The following LAMA2 variants were observed in gnomAD, a reference collection of about 807,000 sequenced individuals.
The protein encoded by LAMA2 is laminin subunit alpha-2.
Under a neutral mutation model 364.8 loss-of-function variants are expected in LAMA2, and 269 were observed. The ratio of observed to expected loss-of-function variants is 0.74; its 90% CI spans 0.67 to 0.82. The LOEUF (loss-of-function observed/expected upper bound fraction) is 0.82. LAMA2 is among the 40% of genes least tolerant of loss of function. The probability of loss-of-function intolerance (pLI) is 0.00; values close to 1 mark genes in which losing one functional copy is unlikely to be tolerated. For missense variants in LAMA2, 3,807 were observed against 3,873.2 expected (o/e 0.98, Z 0.45); for synonymous variants, 1,379 against 1,370.6 (o/e 1.01, Z -0.14).
At chr6:128,924,902 T>A (rs1778990557) in intron 1 of LAMA2, among the ~76,000 whole-genome samples, 1 of 152,240 alleles carries the variant, frequency 6.6e-6, no homozygotes, top group South Asian at 2.1e-4. Flanking sequence ...CACCATATTG[T>A]TGAGATATTT....
chr6:129,250,349 G>A, intron 13 of LAMA2, 136 bp downstream of exon 13: 1 of 675,052 alleles, frequency 1.5e-6, no homozygotes, highest in Non-Finnish European at 2.7e-6. Flanking sequence ...GGAGATTTTT[G>A]TGCCACTCTT....
intron 12 of LAMA2, among the ~76,000 whole-genome samples, chr6:129,200,165 TAC>T (rs1381776198): frequency 1.4e-5 from 2 of 144,154 alleles, no homozygotes; most frequent in South Asian, 2.2e-4. Context: ...TATATATATA[TAC>T]GTGTACACAT....
chr6:129,250,156 C>A lies in LAMA2; in HGVS notation c.1827C>A (p.Asp609Glu). ...GGQLTFTISY[D>E]LEEEEEDTER... ...AGTTGACATTTACCATATCATATGA[C>A]CTTGAAGAAGAGGAAGAAGATACAG... The change falls in exon 13 of 65, where the codon GAC becomes GAA. Residue 609 changes from aspartate (D) to glutamate (E), a missense_variant. This residue lies in a region of LAMA2 where 3,333 missense variants were observed against 3,345.7 expected (regional missense o/e 1.00). Transcript: ENST00000421865. The A allele has an allele frequency of 1.9e-6, 3 of 1,610,226 alleles. No homozygotes were observed. Among genetic ancestry groups the A allele is most frequent in the Non-Finnish European group, 1.7e-6 (2 of 1,176,786 alleles).
At chr6:129,185,530 G>T (rs538169177) in intron 10 of LAMA2, among the ~76,000 whole-genome samples, 3 of 151,876 alleles carry the variant, frequency 2.0e-5, no homozygotes, top group Admixed American at 6.6e-5. Context: ...CTTCCTAAAA[G>T]AATGAAAATT....
intron 13 of LAMA2, 99 bp downstream of exon 13, chr6:129,250,312 A>G (rs1786084136): frequency 2.6e-6 from 2 of 766,170 alleles, no homozygotes; most frequent in Admixed American, 1.9e-5. Flanking sequence ...ACTGACTTAC[A>G]GGACTACTAA....
chr6:129,486,075 A>G (rs1160692673), intron 55 of LAMA2, among the ~76,000 whole-genome samples: 1 of 152,238 alleles, frequency 6.6e-6, no homozygotes, highest in African/African-American at 2.4e-5. Flanking sequence ...CTAAATACTC[A>G]GAATGCCACA....
At chr6:128,929,608 G>T in intron 1 of LAMA2, 2 of 1,353,706 alleles carry the variant, frequency 1.5e-6, no homozygotes, top group Non-Finnish European at 2.1e-6. Flanking sequence ...CCGCAAAAGC[G>T]CTTCCACGAT....
intron 1 of LAMA2, among the ~76,000 whole-genome samples, chr6:128,931,396 A>T (rs1027740986): frequency 6.6e-6 from 1 of 152,210 alleles, no homozygotes; most frequent in Non-Finnish European, 1.5e-5. Flanking sequence ...CCTAGCAAAT[A>T]TCTTAATGTT....
At chr6:129,418,974 C>T (rs1780936071) in intron 40 of LAMA2, among the ~76,000 whole-genome samples, 1 of 152,008 alleles carries the variant, frequency 6.6e-6, no homozygotes, top group African/African-American at 2.4e-5. Flanking sequence ...TAAAAATATG[C>T]ACTACCTCAC....
In LAMA2 at chr6:129,366,254, G is replaced by C; in HGVS notation, c.4753G>C (p.Asp1585His). Reference sequence around the variant, plus strand: ...TGAGTGCACTGGCCTTCTTCTCGGTGACTTGGCTCGCCTGGAGCAGATGGT... The same window carrying C: ...TGAGTGCACTGGCCTTCTTCTCGGTCACTTGGCTCGCCTGGAGCAGATGGT... The part of the protein sequence containing the change: ...GDECTGLLLG[D>H]LARLEQMVMS... Residue 1585 changes from aspartate (D) to histidine (H), a missense_variant, in exon 33 of 65, where the codon GAC becomes CAC. By Grantham distance (81) the Asp-to-His change is moderately conservative (BLOSUM62 -1). Coordinates refer to ENST00000421865, the MANE Select transcript of LAMA2 (RefSeq NM_000426.4). 1.2e-6 allele frequency: 2 copies of C among 1,613,870 alleles called. No homozygotes were observed. Among genetic ancestry groups the C allele is most frequent in the Non-Finnish European group, 1.7e-6 (2 of 1,179,962 alleles).
intron 12 of LAMA2, among the ~76,000 whole-genome samples, chr6:129,200,489 T>TAC (rs1652257009): frequency 6.6e-6 from 1 of 150,706 alleles, no homozygotes; most frequent in Admixed American, 6.6e-5. Flanking sequence ...TATATATGTG[T>TAC]ATGTACACAT....
At chr6:129,264,996 T>C (rs1028361163) in intron 15 of LAMA2, among the ~76,000 whole-genome samples, 28 of 152,176 alleles carry the variant, frequency 1.8e-4, no homozygotes, top group African/African-American at 6.8e-4. Context: ...TTTTGTCATT[T>C]GTGTTTTGTT....
intron 1 of LAMA2, among the ~76,000 whole-genome samples, chr6:129,015,352 C>G (rs1785005233): frequency 6.6e-6 from 1 of 151,998 alleles, no homozygotes; most frequent in African/African-American, 2.4e-5. Context: ...AAAAGGAGCC[C>G]TCACTTAGAA....
At chr6:128,974,029 C>A (rs17723677) in intron 1 of LAMA2, among the ~76,000 whole-genome samples, 2 of 152,146 alleles carry the variant, frequency 1.3e-5, no homozygotes, top group Non-Finnish European at 2.9e-5. Context: ...CACATTAACA[C>A]TGACCTAGTG....
intron 1 of LAMA2, among the ~76,000 whole-genome samples, chr6:128,900,415 G>A (rs1198286144): frequency 6.6e-6 from 1 of 152,086 alleles, no homozygotes. Flanking sequence ...ACCTAGCATG[G>A]TCACAGTAAA....
intron 4 of LAMA2, among the ~76,000 whole-genome samples, chr6:129,135,174 C>G (rs1777712993): frequency 6.6e-6 from 1 of 152,044 alleles, no homozygotes; most frequent in Admixed American, 6.6e-5. Context: ...TCCAGAAGAG[C>G]AACAGGAGGA....
intron 1 of LAMA2, 25 bp downstream of exon 1, chr6:128,883,382 T>C (rs558927998): frequency 6.4e-7 from 1 of 1,564,762 alleles, no homozygotes; most frequent in South Asian, 1.2e-5. Flanking sequence ...TGGGCTTGGG[T>C]TGCATCCTTT....
At position 129,481,387 on chromosome 6, in the gene LAMA2, G is replaced by C. The variant is rs1249789594; in HGVS notation, c.7697G>C (p.Gly2566Ala). ...TKNESGIILLGSGGTPAPPRR... is the reference protein window; with the variant it reads ...TKNESGIILLASGGTPAPPRR... Reference sequence around the variant, plus strand: ...AATGAGTCCGGCATCATTCTTTTGGGAAGTGGAGGGACACCAGCACCACCT... The same window carrying C: ...AATGAGTCCGGCATCATTCTTTTGGCAAGTGGAGGGACACCAGCACCACCT... Residue 2566 changes from glycine to alanine, a missense_variant, in exon 55 of 65, where the codon GGA becomes GCA. Transcript: ENST00000421865. The C allele has an allele frequency of 6.2e-7, 1 of 1,613,848 alleles. No homozygotes were observed. The highest frequency in any genetic ancestry group is 1.3e-5 in the African/African-American group (1 of 74,894).
intron 3 of LAMA2, among the ~76,000 whole-genome samples, chr6:129,068,663 C>A (rs1037848287): frequency 6.6e-6 from 1 of 152,142 alleles, no homozygotes; most frequent in Non-Finnish European, 1.5e-5. Context: ...CTATAGAAAG[C>A]GTGAAGTAAA....
Sources: gnomAD v4.1 joint callset for allele counts (sites outside exome capture counted in the v4.1 genomes callset) on GRCh38, gnomAD v4.1.1 for gene constraint, gnomAD v4.1.1 regional missense constraint, MANE v1.5 for transcripts, NCBI Gene and HGNC (gene_info 2026-07-23, HGNC 2026-07-21) for gene names.